Variants in FOCAD observed in about 807,000 individuals in gnomAD.
FOCAD encodes focadhesin, also known as KIAA1797.
Under a neutral mutation model 225.6 loss-of-function variants are expected in FOCAD, and 198 were observed. The ratio of observed to expected loss-of-function variants is 0.88; its 90% CI spans 0.78 to 0.99. The LOEUF is 0.99. FOCAD is among the 50% of genes least tolerant of loss of function. The probability of loss-of-function intolerance (pLI) is 0.00; values close to 1 mark genes in which losing one functional copy is unlikely to be tolerated. For synonymous variants in FOCAD, 897 were observed against 755.0 expected, an observed-to-expected ratio of 1.19 and a Z score of -3.08; for missense variants, 2,713 against 2,123.6, an observed-to-expected ratio of 1.28 and a Z score of -5.46.
chr9:20,882,866 C>A (rs1376169946), intron 20 of FOCAD, among the ~76,000 whole-genome samples: 1 of 152,132 alleles, frequency 6.6e-6, no homozygotes, highest in African/African-American at 2.4e-5. Flanking sequence ...CTAAATCTCT[C>A]ATAATTTTTT....
chr9:20,667,930 T>G (rs1198860058), intron 2 of FOCAD, among the ~76,000 whole-genome samples: 1 of 152,210 alleles, frequency 6.6e-6, no homozygotes, highest in Non-Finnish European at 1.5e-5. Flanking sequence ...ATCATAATTT[T>G]TTTTTTAGTT....
At position 20,781,827 on chromosome 9, in the gene FOCAD, A is replaced by G; in HGVS notation, c.1095A>G (p.Glu365=). 3.7e-6 allele frequency: 6 copies of G among 1,614,140 alleles called. No homozygotes were observed. Among genetic ancestry groups the G allele is most frequent in the Non-Finnish European group, 5.1e-6 (6 of 1,179,984 alleles). ...ILQILSSTAL[E]DCISVDEEGP... ...AGATACTATCTTCTACTGCCTTGGA[A>G]GACTGTATATCTGTGGATGAAGAAG... The change falls in exon 10 of 44, where the codon GAA becomes GAG. Residue 365 remains glutamate, a synonymous_variant. Transcript: ENST00000338382.
chr9:20,983,069 G>T (rs1840842696), intron 39 of FOCAD, among the ~76,000 whole-genome samples: 1 of 152,106 alleles, frequency 6.6e-6, no homozygotes, highest in Admixed American at 6.5e-5. Flanking sequence ...TCAGATCCTT[G>T]AATTTCTGCA....
intron 21 of FOCAD, among the ~76,000 whole-genome samples, chr9:20,900,213 G>T (rs929271344): frequency 6.6e-6 from 1 of 151,886 alleles, no homozygotes; most frequent in Admixed American, 6.6e-5. Flanking sequence ...GGATGAGAAT[G>T]GCAGTCTGGA....
chr9:20,685,196 A>ATTTTTTTTTTTTTTTTTTTTTTTT (rs397959541), intron 1 of FOCAD, among the ~76,000 whole-genome samples: 1 of 143,066 alleles, frequency 7.0e-6, no homozygotes. Context: ...TGAGTTGGAA[A>ATTTTTTTTTTTTTTTTTTTTTTTT]TTTTTTTTTT....
At chr9:20,948,116 C>CA (rs1445138610) in intron 30 of FOCAD, among the ~76,000 whole-genome samples, 155 bp from the exon 31 acceptor site, 1 of 130,256 alleles carries the variant, frequency 7.7e-6, no homozygotes, top group Non-Finnish European at 1.8e-5. Context: ...AAACAAAAAA[C>CA]AAAAAAACAC....
intron 21 of FOCAD, among the ~76,000 whole-genome samples, chr9:20,891,757 G>A (rs547683597): frequency 6.6e-6 from 1 of 152,322 alleles, no homozygotes; most frequent in African/African-American, 2.4e-5. Context: ...TGATGTAAAA[G>A]CTGCAGCAAG....
intron 28 of FOCAD, among the ~76,000 whole-genome samples, chr9:20,938,369 G>T (rs570337832): frequency 0.042 from 6,361 of 152,044 alleles, 176 homozygotes; most frequent in African/African-American, 0.078. Context: ...AGAAAATGTG[G>T]CACATATACA....
chr9:20,746,719 T>G (rs1270779101), intron 5 of FOCAD, among the ~76,000 whole-genome samples: 1 of 152,228 alleles, frequency 6.6e-6, no homozygotes, highest in Non-Finnish European at 1.5e-5. Context: ...ATAATACTTT[T>G]TATAACATAC....
chr9:20,777,067 A>C (rs979137249), intron 8 of FOCAD, among the ~76,000 whole-genome samples: 1 of 152,134 alleles, frequency 6.6e-6, no homozygotes, highest in Non-Finnish European at 1.5e-5. Context: ...TTAAAAATTC[A>C]CGAATTTTTT....
intron 22 of FOCAD, among the ~76,000 whole-genome samples, chr9:20,908,637 A>G (rs1234316427): frequency 2.6e-5 from 4 of 151,930 alleles, no homozygotes; most frequent in East Asian, 3.9e-4. Context: ...TCCTTACTCA[A>G]TTTTTATCTT....
intron 8 of FOCAD, among the ~76,000 whole-genome samples, chr9:20,772,317 G>A (rs528826907): frequency 6.6e-6 from 1 of 152,298 alleles, no homozygotes; most frequent in African/African-American, 2.4e-5. Context: ...TTGAAATTTA[G>A]GCTAGAAGTC....
At chr9:20,845,780 G>C (rs1051772224) in intron 15 of FOCAD, among the ~76,000 whole-genome samples, 1 of 151,726 alleles carries the variant, frequency 6.6e-6, no homozygotes, top group Admixed American at 6.6e-5. Flanking sequence ...TTTTATATGT[G>C]TCTTCATATT....
intron 11 of FOCAD, among the ~76,000 whole-genome samples, chr9:20,811,686 A>G (rs1388912997): frequency 1.3e-5 from 2 of 152,006 alleles, no homozygotes; most frequent in Non-Finnish European, 2.9e-5. Context: ...AAGTGGAGGA[A>G]GTAATTACCT....
intron 2 of FOCAD, among the ~76,000 whole-genome samples, chr9:20,672,209 C>G (rs954364038): frequency 1.3e-5 from 2 of 152,270 alleles, no homozygotes; most frequent in Non-Finnish European, 1.5e-5. Context: ...AATTCAACTA[C>G]AAGTGCATTG....
chr9:20,775,491 C>G (rs1206941104), intron 8 of FOCAD, among the ~76,000 whole-genome samples: 1 of 152,170 alleles, frequency 6.6e-6, no homozygotes, highest in Non-Finnish European at 1.5e-5. Context: ...ATCTGTTTGG[C>G]CCATCTTGGC....
intron 42 of FOCAD, among the ~76,000 whole-genome samples, chr9:20,991,533 C>T (rs1056954227): frequency 1.3e-5 from 2 of 152,142 alleles, no homozygotes; most frequent in Non-Finnish European, 2.9e-5. Flanking sequence ...CAAATTTTGG[C>T]TGGGCACAGT....
chr9:20,956,421 A>G (rs996170476), intron 35 of FOCAD, among the ~76,000 whole-genome samples: 1 of 152,214 alleles, frequency 6.6e-6, no homozygotes. Context: ...TATATAGAAG[A>G]AAATAAGACA....
intron 1 of FOCAD, among the ~76,000 whole-genome samples, chr9:20,691,463 T>A (rs1180602345): frequency 6.6e-6 from 1 of 151,624 alleles, no homozygotes; most frequent in African/African-American, 2.4e-5. Context: ...TTATTATTAT[T>A]TATTAATTAA....
Sources: allele counts gnomAD v4.1 joint callset (sites outside exome capture counted in the v4.1 genomes callset), GRCh38; gene constraint gnomAD v4.1.1; transcripts MANE v1.5; gene names NCBI Gene and HGNC (gene_info 2026-07-23, HGNC 2026-07-21).